AKAP9: variants seen among roughly 807,000 people sequenced by gnomAD.
AKAP9 encodes the protein A-kinase anchoring protein 9, also known as A-kinase anchor protein 9.
A neutral mutation model predicts 488.5 loss-of-function variants in AKAP9; 311 were observed. The ratio of observed to expected loss-of-function variants is 0.64; its 90% CI spans 0.58 to 0.70. The LOEUF is 0.70. Among genes scored for constraint, AKAP9 ranks in the 30% least tolerant of loss-of-function variants. The probability of loss-of-function intolerance (pLI) is 0.00; values close to 1 mark genes in which losing one functional copy is unlikely to be tolerated. For synonymous variants in AKAP9, 1,462 were observed against 1,483.5 expected, an observed-to-expected ratio of 0.99 and a Z score of 0.33; for missense variants, 4,215 against 4,374.5, an observed-to-expected ratio of 0.96 and a Z score of 1.03.
intron 23 of AKAP9, 146 bp from the exon 24 acceptor site, chr7:92,062,128 T>G: frequency 1.4e-6 from 1 of 691,284 alleles, no homozygotes; most frequent in Admixed American, 2.5e-5. Flanking sequence ...GTTGCTGTGA[T>G]GAGCAGCAAA....
At chr7:92,104,012 A>C (rs1818083191) in intron 46 of AKAP9, among the ~76,000 whole-genome samples, 1 of 152,076 alleles carries the variant, frequency 6.6e-6, no homozygotes, top group East Asian at 1.9e-4. Context: ...GCCAAGACTC[A>C]AACTACTTTG....
In AKAP9 at chr7:92,097,213, G is replaced by C. The variant is rs61757663; in HGVS notation, c.10254G>C (p.Gln3418His). 9.9e-4 allele frequency: 1,599 copies of C among 1,612,664 alleles called. 2 individuals carry two copies. Among genetic ancestry groups the C allele is most frequent in the Non-Finnish European group, 1.2e-3 (1,474 of 1,179,656 alleles). The change falls in exon 41 of 50, where the codon CAG (glutamine) becomes CAC (histidine). Residue 3418 changes from glutamine (Q) to histidine (H), a missense_variant. By Grantham distance (24) the Gln-to-His change is conservative (BLOSUM62 0). Transcript: ENST00000356239. ...LQSKVEDLQRQLEEKRQQVYK... is the reference protein window; with the variant it reads ...LQSKVEDLQRHLEEKRQQVYK... ...CCAAAGTGGAAGATCTTCAGCGCCA[G>C]CTGGAAGAGAAAAGACAACAAGTTT...
At position 92,062,238 on chromosome 7, in the gene AKAP9, A is replaced by C. The variant is rs377192482; in HGVS notation, c.5765-36A>C. On this transcript the variant is annotated intron_variant, in intron 23 of 49. Transcript: ENST00000356239. ...AACCTAGTGGTTGAATTTGAAATGAATAATAGTTCTATTTTCTGTTAATTT... is the reference window on the plus strand; with the variant it reads ...AACCTAGTGGTTGAATTTGAAATGACTAATAGTTCTATTTTCTGTTAATTT... The C allele has an allele frequency of 1.3e-5, 20 of 1,557,392 alleles. No individual in the cohort carries two copies. The African/African-American group carries it at 2.2e-4, about 17-fold the overall frequency.
At chr7:92,086,447 T>C (rs1231889525) in intron 37 of AKAP9, 31 bp downstream of exon 37, 33 of 1,533,968 alleles carry the variant, frequency 2.2e-5, no homozygotes, top group Non-Finnish European at 2.9e-5. Context: ...AAAAACACTT[T>C]AATAGAAATA....
chr7:92,108,395 A>G, intron 48 of AKAP9, 99 bp from the exon 49 acceptor site: 1 of 1,227,708 alleles, frequency 8.1e-7, no homozygotes, highest in Non-Finnish European at 1.2e-6. Context: ...TGTGTGTACA[A>G]GTGACCCACC....
chr7:92,062,253 T>C (rs764849562), intron 23 of AKAP9, 21 bp from the exon 24 acceptor site: 12 of 1,588,592 alleles, frequency 7.6e-6, no homozygotes, highest in South Asian at 2.2e-5. Flanking sequence ...AGTTCTATTT[T>C]CTGTTAATTT....
chr7:91,953,812 G>A (rs1163127187), intron 1 of AKAP9, among the ~76,000 whole-genome samples: 2 of 86,186 alleles, frequency 2.3e-5, no homozygotes, highest in Non-Finnish European at 5.1e-5. Context: ...TTTACCCCCC[G>A]CCCCCCACCA....
Position 92,077,869 on chromosome 7 carries a change from TAAC to T in AKAP9, c.6942_6944del (p.Asn2314del), listed in dbSNP as rs1221445722. 1 of 1,609,658 alleles carries T rather than the reference TAAC, an allele frequency of 6.2e-7. No homozygotes were observed. The highest frequency in any genetic ancestry group is 1.1e-5 in the South Asian group (1 of 90,862). ...AGCAGCAACTTAAAATTACAACAGA[TAAC>T]AAGGTATACTCATTTAAAATTGATT... is the stretch of plus-strand genomic sequence containing the variant. On this transcript the variant is annotated inframe_deletion, in exon 30 of 50. Transcript: ENST00000356239.
At chr7:92,039,028 C>T (rs762126636) in intron 17 of AKAP9, among the ~76,000 whole-genome samples, 2 of 152,146 alleles carry the variant, frequency 1.3e-5, no homozygotes, top group African/African-American at 2.4e-5. Context: ...GCCTCAGCCT[C>T]CTGAGTAACT....
intron 1 of AKAP9, among the ~76,000 whole-genome samples, chr7:91,955,821 A>G (rs1244265897): frequency 2.0e-5 from 3 of 152,092 alleles, no homozygotes; most frequent in Non-Finnish European, 1.5e-5. Context: ...TTTGGTAGAA[A>G]CAGGGTCTCG....
intron 1 of AKAP9, among the ~76,000 whole-genome samples, chr7:91,971,062 T>TA (rs1416702471): frequency 6.6e-6 from 1 of 152,156 alleles, no homozygotes; most frequent in Non-Finnish European, 1.5e-5. Context: ...ACACATTCAG[T>TA]AAAAAACAAG....
intron 12 of AKAP9, among the ~76,000 whole-genome samples, chr7:92,017,882 C>A (rs1801744819): frequency 6.6e-6 from 1 of 152,172 alleles, no homozygotes; most frequent in Non-Finnish European, 1.5e-5. Flanking sequence ...AATCTATAAA[C>A]CTACTCCAGT....
intron 7 of AKAP9, among the ~76,000 whole-genome samples, chr7:91,996,301 T>G (rs577235503): frequency 4.6e-5 from 7 of 152,130 alleles, no homozygotes; most frequent in Non-Finnish European, 7.4e-5. Flanking sequence ...GTGCGTATAT[T>G]TTACATATAT....
intron 1 of AKAP9, among the ~76,000 whole-genome samples, chr7:91,956,552 GCTTT>G (rs1365161953): frequency 6.6e-5 from 10 of 152,254 alleles, no homozygotes; most frequent in African/African-American, 2.4e-4. Context: ...GTATCTTGGT[GCTTT>G]CTATTAGACT....
chr7:91,947,173 TGC>T (rs960329566), intron 1 of AKAP9, among the ~76,000 whole-genome samples: 47 of 97,248 alleles, frequency 4.8e-4, no homozygotes, highest in Non-Finnish European at 7.7e-4. Flanking sequence ...TGTGTGTGTG[TGC>T]GTGTGTGTGT....
rs758993863 is a variant in AKAP9 at position 92,096,673 on chromosome 7, G to A, written c.9730-16G>A. ...ATAATATTAACAAGTTCTTAAATTTGATTTTCTCGTACCAGGATCTGAAGT... is the reference window on the plus strand; with the variant it reads ...ATAATATTAACAAGTTCTTAAATTTAATTTTCTCGTACCAGGATCTGAAGT... On this transcript the variant is annotated splice_polypyrimidine_tract_variant and intron_variant, in intron 40 of 49. Transcript: ENST00000356239. 1.3e-5 allele frequency: 21 copies of A among 1,613,466 alleles called. No homozygotes were observed. Among genetic ancestry groups the A allele is most frequent in the Non-Finnish European group, 1.7e-5 (20 of 1,179,938 alleles).
intron 39 of AKAP9, 87 bp from the exon 40 acceptor site, chr7:92,094,936 A>C: frequency 8.2e-7 from 1 of 1,220,688 alleles, no homozygotes; most frequent in Non-Finnish European, 1.2e-6. Flanking sequence ...ATATGCCTCA[A>C]CTTATCAGTA....
At chr7:91,955,226 C>T (rs1292444982) in intron 1 of AKAP9, among the ~76,000 whole-genome samples, 1 of 152,004 alleles carries the variant, frequency 6.6e-6, no homozygotes, top group Non-Finnish European at 1.5e-5. Flanking sequence ...TGAGCACTGA[C>T]CAGTTCCCTC....
Position 92,110,284 on chromosome 7 carries a change from T to C in AKAP9, c.*125T>C. 1 of 779,772 alleles carries C rather than the reference T, an allele frequency of 1.3e-6. No homozygotes were observed. Among genetic ancestry groups the C allele is most frequent in the Non-Finnish European group, 2.1e-6 (1 of 467,458 alleles). 48.3% of individuals were successfully genotyped at this position (779,772 alleles called of 1,614,324 possible). A position where few individuals can be genotyped will look rare whatever the true frequency, so the allele number is the denominator to read the frequency against. ...AATATGAACACAGCTTATGATTGTA[T>C]ACAAATCCCTTGCCAGCACATGAAA... On this transcript the variant is annotated 3_prime_UTR_variant, in exon 50 of 50. Coordinates refer to ENST00000356239, the MANE Select transcript of AKAP9 (RefSeq NM_005751.5).
Sources: gnomAD v4.1 joint callset for allele counts (sites outside exome capture counted in the v4.1 genomes callset) on GRCh38, gnomAD v4.1.1 for gene constraint, MANE v1.5 for transcripts, NCBI Gene and HGNC (gene_info 2026-07-23, HGNC 2026-07-21) for gene names.